The following PPP1R21 variants were observed in gnomAD, a reference collection of about 807,000 sequenced individuals.
PPP1R21 encodes KLRAQ motif containing 1.
In PPP1R21, 85 loss-of-function variants were observed where a neutral mutation model predicts 112.8. The observed-to-expected ratio is 0.75, with a 90% CI of 0.63 to 0.90. The LOEUF is 0.90. PPP1R21 is among the 40% of genes least tolerant of loss of function. The pLI is 0.00. For synonymous variants in PPP1R21, 381 were observed against 322.3 expected (o/e 1.18, Z -1.95); for missense variants, 1,199 against 901.5 (o/e 1.33, Z -4.23).
chr2:48,496,559 C>T (rs1387225316), intron 16 of PPP1R21, among the ~76,000 whole-genome samples: 1 of 151,544 alleles, frequency 6.6e-6, no homozygotes, highest in Non-Finnish European at 1.5e-5. Context: ...CCTCTGCCTC[C>T]TGGGTTCAAG....
chr2:48,513,896 G>A (rs758381671), intron 21 of PPP1R21, among the ~76,000 whole-genome samples: 9 of 152,050 alleles, frequency 5.9e-5, no homozygotes, highest in Non-Finnish European at 8.8e-5. Context: ...CCAAATCTCC[G>A]TATTTGAGGA....
chr2:48,506,926 C>A (rs978969869), intron 18 of PPP1R21, among the ~76,000 whole-genome samples: 1 of 132,884 alleles, frequency 7.5e-6, no homozygotes, highest in African/African-American at 2.9e-5. Flanking sequence ...AGCCTGGTGA[C>A]GGAGTGAGAC....
chr2:48,462,382 A>G (rs1220649387), intron 7 of PPP1R21, among the ~76,000 whole-genome samples: 1 of 152,190 alleles, frequency 6.6e-6, no homozygotes, highest in Non-Finnish European at 1.5e-5. Flanking sequence ...TATAAACTAG[A>G]CTGTGCCATA....
chr2:48,509,928 G>C, intron 19 of PPP1R21, 87 bp from the exon 20 acceptor site: 1 of 817,954 alleles, frequency 1.2e-6, no homozygotes. Context: ...CTTTGGCTTT[G>C]AGAAGTGTTT....
chr2:48,470,223 TA>T (rs1223908078), intron 9 of PPP1R21, among the ~76,000 whole-genome samples: 1 of 152,170 alleles, frequency 6.6e-6, no homozygotes, highest in Non-Finnish European at 1.5e-5. Context: ...GTGACAGTTA[TA>T]AAAAGTTATT....
intron 9 of PPP1R21, among the ~76,000 whole-genome samples, chr2:48,467,182 G>T (rs1392734668): frequency 2.6e-5 from 4 of 152,026 alleles, no homozygotes; most frequent in Non-Finnish European, 4.4e-5. Flanking sequence ...GCATTTTCAG[G>T]GTTTGTGAGG....
intron 15 of PPP1R21, among the ~76,000 whole-genome samples, chr2:48,492,641 C>T (rs964372341): frequency 2.6e-5 from 4 of 152,166 alleles, no homozygotes; most frequent in African/African-American, 9.7e-5. Context: ...ATGTTGTAGG[C>T]CATGTGGCTT....
rs374170033 is a variant in PPP1R21, at chr2:48,496,206, G to C, written c.1692+435G>C. Among the ~76,000 whole-genome samples, 7 of 150,492 alleles carry C rather than the reference G, an allele frequency of 4.7e-5. No individual in the cohort carries two copies. The East Asian group carries it at 9.7e-4, about 21-fold the overall frequency. On this transcript the variant is annotated intron_variant, in intron 16 of 21. Coordinates refer to ENST00000294952, the MANE Select transcript of PPP1R21 (RefSeq NM_001135629.3). The stretch of plus-strand genomic sequence containing the variant: ...GGAGTGGGAGGCACTGTCTTTTTCA[G>C]AAAAAAAGGAAAAAAAAAATATGTA...
rs184882792 is a variant in PPP1R21 at position 48,495,985 on chromosome 2, T to C, written c.1692+214T>C. Reference sequence around the variant, plus strand: ...ATCTTGATTCAGTTGGTGGTATAATTGGAACTAAAGTAATATCAACACACT... The same window carrying C: ...ATCTTGATTCAGTTGGTGGTATAATCGGAACTAAAGTAATATCAACACACT... On this transcript the variant is annotated intron_variant, in intron 16 of 21. Transcript: ENST00000294952. Among the ~76,000 whole-genome samples the C allele has an allele frequency of 3.7e-3, 568 of 152,374 alleles. 2 individuals carry two copies. The highest frequency in any genetic ancestry group is 5.8e-3 in the Non-Finnish European group (392 of 68,036).
chr2:48,506,815 G>A (rs1343674209), intron 18 of PPP1R21, among the ~76,000 whole-genome samples: 1 of 151,998 alleles, frequency 6.6e-6, no homozygotes, highest in Non-Finnish European at 1.5e-5. Flanking sequence ...GCGTGGTGGC[G>A]GGCGCCTGTG....
rs759554334 is a variant in PPP1R21 at position 48,502,856 on chromosome 2, A to AT, written c.1936-2703dup. On this transcript the variant is annotated intron_variant, in intron 17 of 21. Transcript: ENST00000294952. ...CCACCATGCCCGGCTAATTTTTTGTATTTTTAGTAGAGACGGGGTTTCACT... is the reference window on the plus strand; with the variant it reads ...CCACCATGCCCGGCTAATTTTTTGTATTTTTTAGTAGAGACGGGGTTTCACT... 2.2e-3 allele frequency among the ~76,000 whole-genome samples: 328 copies of AT among 151,392 alleles called. 2 individuals are homozygous for AT. Among genetic ancestry groups the AT allele is most frequent in the Admixed American group, 4.1e-3 (63 of 15,190 alleles).
In PPP1R21 at chr2:48,440,945, GGGGAGGC is replaced by G. The variant is rs771846232; in HGVS notation, c.-8_-2del. ...TGGGCGGCCTGGCCTGTACGGGGCG[GGGGAGGC>G]CATGGCCTCGGCTGAGTTGCAGGGG... is the stretch of plus-strand genomic sequence containing the variant. On this transcript the variant is annotated 5_prime_UTR_variant, in exon 1 of 22. Coordinates refer to ENST00000294952, the MANE Select transcript of PPP1R21 (RefSeq NM_001135629.3). 6.2e-7 allele frequency: 1 copy of G among 1,606,306 alleles called. No homozygotes were observed. Among genetic ancestry groups the G allele is most frequent in the South Asian group, 1.1e-5 (1 of 90,660 alleles).
At chr2:48,474,927 C>A in intron 12 of PPP1R21, 108 bp downstream of exon 12, 1 of 947,182 alleles carries the variant, frequency 1.1e-6, no homozygotes, top group Non-Finnish European at 1.6e-6. Context: ...TAGGATCTGG[C>A]ATCAGGAAAA....
At chr2:48,459,405 G>A (rs770104880) in intron 4 of PPP1R21, among the ~76,000 whole-genome samples, 2 of 152,186 alleles carry the variant, frequency 1.3e-5, no homozygotes, top group Non-Finnish European at 2.9e-5. Context: ...TGAATTCTAT[G>A]TATGCCAGAC....
intron 17 of PPP1R21, among the ~76,000 whole-genome samples, chr2:48,502,528 C>A (rs145244064): frequency 1.3e-5 from 2 of 152,126 alleles, no homozygotes; most frequent in South Asian, 4.1e-4. Flanking sequence ...GTCTTTGTGT[C>A]TTTTCTGTCT....
intron 3 of PPP1R21, among the ~76,000 whole-genome samples, chr2:48,455,985 G>A (rs953976346): frequency 3.7e-5 from 5 of 133,818 alleles, no homozygotes; most frequent in South Asian, 2.4e-4. Context: ...ACTGCGCTCC[G>A]ACCTGGGTGG....
At chr2:48,506,212 G>T (rs1407094336) in intron 18 of PPP1R21, among the ~76,000 whole-genome samples, 1 of 152,156 alleles carries the variant, frequency 6.6e-6, no homozygotes, top group African/African-American at 2.4e-5. Context: ...TCCTGCCTGA[G>T]CCTCGCAGGT....
intron 14 of PPP1R21, among the ~76,000 whole-genome samples, chr2:48,489,062 G>A (rs544365068): frequency 8.5e-5 from 13 of 152,094 alleles, no homozygotes; most frequent in Non-Finnish European, 1.5e-4. Context: ...AAATATCAGT[G>A]AAAAATATAA....
chr2:48,514,333 G>A (rs915942088), intron 21 of PPP1R21, among the ~76,000 whole-genome samples: 16 of 152,008 alleles, frequency 1.1e-4, no homozygotes, highest in African/African-American at 4.8e-5. Context: ...TGATCCACCC[G>A]CCTCGGCCTC....
Sources: gnomAD v4.1 joint callset for allele counts (sites outside exome capture counted in the v4.1 genomes callset) on GRCh38, gnomAD v4.1.1 for gene constraint, MANE v1.5 for transcripts, NCBI Gene and HGNC (gene_info 2026-07-23, HGNC 2026-07-21) for gene names.